Variants in UMOD observed in about 807,000 individuals in gnomAD.
UMOD encodes the protein uromodulin, also known as Tamm-Horsfall urinary glycoprotein.
A neutral mutation model predicts 66.0 loss-of-function variants in UMOD; 64 were observed. The ratio of observed to expected loss-of-function variants is 0.97; its 90% confidence interval spans 0.79 to 1.19. UMOD has a LOEUF of 1.19. Ranked by LOEUF, UMOD falls within the 50% of genes most tolerant of loss-of-function variation. The probability of loss-of-function intolerance (pLI) is 0.00; values close to 1 mark genes in which losing one functional copy is unlikely to be tolerated. For synonymous variants in UMOD, 398 were observed against 352.7 expected, an observed-to-expected ratio of 1.13 and a Z score of -1.44; for missense variants, 764 against 850.9, an observed-to-expected ratio of 0.90 and a Z score of 1.27.
intron 8 of UMOD, among the ~76,000 whole-genome samples, chr16:20,337,089 T>C (rs964762499): frequency 1.3e-5 from 2 of 152,330 alleles, no homozygotes; most frequent in Admixed American, 1.3e-4. Context: ...GCCAGAGCTC[T>C]TACCAGCCTG....
chr16:20,353,285 C>G (rs767520765), upstream of UMOD, among the ~76,000 whole-genome samples: 1 of 152,068 alleles, frequency 6.6e-6, no homozygotes, highest in Non-Finnish European at 1.5e-5. Flanking sequence ...TGGACCTGAC[C>G]CACTCTGTAC....
Position 20,333,351 on chromosome 16 carries a change from A to G in UMOD, c.1886T>C (p.Leu629Pro), listed in dbSNP as rs777527036. 6.2e-7 allele frequency: 1 copy of G among 1,613,238 alleles called. No individual in the cohort carries two copies. The highest frequency in any genetic ancestry group is 8.5e-7 in the Non-Finnish European group (1 of 1,179,712). ...CAGGGTCAAGGTGGCCGAGAGAAGC[A>G]GAGGCAGCCAGACTTTCAGGAGCCC... is the stretch of plus-strand genomic sequence containing the variant. ...SLGLLKVWLP[L>P]LLSATLTLTF... The change falls in exon 11 of 11, where the codon CTG becomes CCG. Residue 629 changes from leucine to proline, a missense_variant. Coordinates refer to ENST00000396138, the MANE Select transcript of UMOD (RefSeq NM_003361.4).
chr16:20,346,117 A>G lies in UMOD; in HGVS notation c.1182+9T>C, dbSNP rs1186058086. 1.2e-6 allele frequency: 2 copies of G among 1,613,094 alleles called. No homozygotes were observed. The highest frequency in any genetic ancestry group is 2.2e-5 in the South Asian group (2 of 91,038). On this transcript the variant is annotated intron_variant, in intron 5 of 10. Transcript: ENST00000396138. ...GCTCTGGTTCTGTCCCCCACTGGCC[A>G]GGACGTACCGTCAACACTGTCCCAC...
rs762931406 is a variant in UMOD at position 20,341,244 on chromosome 16, G to C, written c.1424C>G (p.Ser475Cys). The change falls in exon 7 of 11, where the codon TCC becomes TGC. Residue 475 changes from serine to cysteine, a missense_variant. Coordinates refer to ENST00000396138, the MANE Select transcript of UMOD (RefSeq NM_003361.4). ...TPSYTQPYQG[S>C]SVTLSTEAFL... ...AGCCTCAGTGGACAGTGTCACGGAGGAGCCTTGGTAGGGCTGCGTGTAGGA... is the reference window on the plus strand; with the variant it reads ...AGCCTCAGTGGACAGTGTCACGGAGCAGCCTTGGTAGGGCTGCGTGTAGGA... The C allele has an allele frequency of 1.9e-6, 3 of 1,614,138 alleles. No individual in the cohort carries two copies. The Admixed American group carries it at 5.0e-5, about 27-fold the overall frequency.
chr16:20,335,712 C>T (rs983962683), intron 9 of UMOD, among the ~76,000 whole-genome samples, 192 bp from the exon 10 acceptor site: 6 of 152,224 alleles, frequency 3.9e-5, no homozygotes, highest in African/African-American at 1.2e-4. Context: ...AAGGTCCCAA[C>T]CCTTAGCAAG....
intron 9 of UMOD, among the ~76,000 whole-genome samples, 178 bp from the exon 10 acceptor site, chr16:20,335,698 G>C (rs1350225158): frequency 6.6e-6 from 1 of 152,190 alleles, no homozygotes; most frequent in Non-Finnish European, 1.5e-5. Flanking sequence ...CTGCTTTCAG[G>C]AGAAAGGTCC....
chr16:20,341,177 G>A lies in UMOD; in HGVS notation c.1491C>T (p.Ser497=). 6.2e-7 allele frequency: 1 copy of A among 1,614,004 alleles called. No individual in the cohort carries two copies. The highest frequency in any genetic ancestry group is 8.5e-7 in the Non-Finnish European group (1 of 1,180,002). The change falls in exon 7 of 11, where the codon TCC becomes TCT. Residue 497 remains serine (S), a synonymous_variant. Transcript: ENST00000396138. ...VGTMLDGGDL[S]RFALLMTNCY... is the part of the protein sequence containing the mutation. The stretch of plus-strand genomic sequence containing the variant: ...AGTTGGTCATGAGCAGTGCAAATCG[G>A]GACAGGTCGCCCCCATCCAACATGG...
intron 4 of UMOD, 70 bp from the exon 5 acceptor site, chr16:20,346,404 A>G (rs1965590607): frequency 1.3e-6 from 2 of 1,538,236 alleles, no homozygotes; most frequent in Admixed American, 1.7e-5. Flanking sequence ...CCCAGGGGCC[A>G]GGTCCAGCTG....
Position 20,336,699 on chromosome 16 carries a change from C to T in UMOD, c.1769G>A (p.Gly590Glu). ...GACACGGGATTGATCTATGACACTC[C>T]CACTTCGGAATCTGGTCCCAGAGCA... is the stretch of plus-strand genomic sequence containing the variant. ...PTCSGTRFRSGSVIDQSRVLN... is the reference protein window; with the variant it reads ...PTCSGTRFRSESVIDQSRVLN... The change falls in exon 9 of 11, where the codon GGG (glycine) becomes GAG (glutamate). Residue 590 changes from glycine (G) to glutamate (E), a missense_variant. Gly to Glu is a moderately conservative substitution (Grantham distance 98). Transcript: ENST00000396138. 6.2e-7 allele frequency: 1 copy of T among 1,614,164 alleles called. No homozygotes were observed. Among genetic ancestry groups the T allele is most frequent in the Non-Finnish European group, 8.5e-7 (1 of 1,180,008 alleles).
At position 20,348,736 on chromosome 16, in the gene UMOD, A is replaced by T. The variant is rs1965731202; in HGVS notation, c.565T>A (p.Tyr189Asn). The change falls in exon 3 of 11, where the codon TAC becomes AAC. Residue 189 changes from tyrosine (Y) to asparagine (N), a missense_variant. Physicochemically the swap from Tyr to Asn is moderately radical, Grantham distance 143 (BLOSUM62 -2). Transcript: ENST00000396138. ...TLDEYWRSTE[Y>N]GEGYACDTDL... ...GTGTCGCAGGCGTAGCCCTCCCCGT[A>T]CTCGGTGCTGCGCCAGTACTCGTCC... 6.5e-7 allele frequency: 1 copy of T among 1,545,678 alleles called. No individual in the cohort carries two copies. Among genetic ancestry groups the T allele is most frequent in the African/African-American group, 1.4e-5 (1 of 73,174 alleles).
intron 6 of UMOD, 88 bp from the exon 7 acceptor site, chr16:20,341,424 C>T (rs1045367740): frequency 4.6e-5 from 73 of 1,590,802 alleles, no homozygotes; most frequent in Non-Finnish European, 6.1e-5. Flanking sequence ...CTAGGCAGTC[C>T]CTTGCAGTTA....
At chr16:20,355,721 C>A (rs572133120), upstream of UMOD, among the ~76,000 whole-genome samples, 1 of 152,254 alleles carries the variant, frequency 6.6e-6, no homozygotes, top group South Asian at 2.1e-4. Flanking sequence ...TCTCTCTTAA[C>A]TTTCAAACAT....
chr16:20,346,869 A>T (rs946272728), intron 4 of UMOD, among the ~76,000 whole-genome samples: 7 of 125,560 alleles, frequency 5.6e-5, no homozygotes, highest in African/African-American at 1.1e-4. Context: ...GAAGTATAAT[A>T]AAAAAAAGAA....
At position 20,350,880 on chromosome 16, in the gene UMOD, C is replaced by T; in HGVS notation, c.-102-41G>A. The T allele has an allele frequency of 2.0e-6, 3 of 1,521,216 alleles. No individual in the cohort carries two copies. In the South Asian group the frequency reaches 3.7e-5, roughly 19 times the overall value. 94.2% of individuals were successfully genotyped at this position (1,521,216 alleles called of 1,614,324 possible). ...GATGGGACAAATGCATGATCTAACTCTCCTCCCCACAGCTGGAAGGAGTGC... is the reference window on the plus strand; with the variant it reads ...GATGGGACAAATGCATGATCTAACTTTCCTCCCCACAGCTGGAAGGAGTGC... On this transcript the variant is annotated intron_variant, in intron 1 of 10. Coordinates refer to ENST00000396138, the MANE Select transcript of UMOD (RefSeq NM_003361.4).
intron 8 of UMOD, 96 bp from the exon 9 acceptor site, chr16:20,336,823 C>T (rs1191626209): frequency 2.6e-6 from 3 of 1,137,584 alleles, no homozygotes; most frequent in African/African-American, 3.1e-5. Context: ...AGGTGCCTTC[C>T]CTTGCCCCAG....
At chr16:20,341,395 C>T (rs1965210172) in intron 6 of UMOD, 59 bp from the exon 7 acceptor site, 2 of 1,604,494 alleles carry the variant, frequency 1.2e-6, no homozygotes, top group Non-Finnish European at 1.7e-6. Context: ...AGATAGGCCA[C>T]CTTCTCTGAT....
At chr16:20,348,395 T>C in intron 3 of UMOD, 41 bp downstream of exon 3, 2 of 1,614,118 alleles carry the variant, frequency 1.2e-6, no homozygotes, top group Non-Finnish European at 1.7e-6. Flanking sequence ...GCAGTGCCTT[T>C]CCAGGCCTGG....
At chr16:20,335,043 G>A (rs1964797734) in intron 10 of UMOD, among the ~76,000 whole-genome samples, 1 of 151,924 alleles carries the variant, frequency 6.6e-6, no homozygotes, top group Non-Finnish European at 1.5e-5. Context: ...GGCCACGATG[G>A]TCTCAATCTC....
At chr16:20,342,159 A>G (rs1272047615) in intron 6 of UMOD, among the ~76,000 whole-genome samples, 4 of 152,236 alleles carry the variant, frequency 2.6e-5, no homozygotes, top group South Asian at 2.1e-4. Context: ...AGCCTGGTCC[A>G]TGTAACAAGA....
Sources: allele counts gnomAD v4.1 joint callset (sites outside exome capture counted in the v4.1 genomes callset), GRCh38; gene constraint gnomAD v4.1.1; transcripts MANE v1.5; gene names NCBI Gene and HGNC (gene_info 2026-07-23, HGNC 2026-07-21).